SIRPA: variants seen among roughly 807,000 people sequenced by gnomAD.
The protein encoded by SIRPA is tyrosine-protein phosphatase non-receptor type substrate 1.
In SIRPA, 9 loss-of-function variants were observed where a neutral mutation model predicts 50.3. That is an observed-to-expected ratio of 0.18 (90% CI 0.11 to 0.31). The LOEUF (loss-of-function observed/expected upper bound fraction) is 0.31. Ranked by LOEUF, SIRPA falls within the 10% of genes least tolerant of loss-of-function variation. The pLI, the probability that SIRPA is intolerant of heterozygous loss-of-function variation, is 1.00. For missense variants in SIRPA, 474 were observed against 661.6 expected (o/e 0.72, Z 3.11); for synonymous variants, 265 against 284.1 (o/e 0.93, Z 0.68).
At chr20:1,914,695 C>T (rs72620872) in intron 1 of SIRPA, among the ~76,000 whole-genome samples, 61,425 of 151,370 alleles carry the variant, frequency 0.41, 12,713 homozygotes, top group East Asian at 0.66. Context: ...TGGGCCAGGC[C>T]AGAAACAGAA....
intron 1 of SIRPA, among the ~76,000 whole-genome samples, chr20:1,895,929 C>A (rs1250410387): frequency 6.6e-6 from 1 of 152,188 alleles, no homozygotes; most frequent in Non-Finnish European, 1.5e-5. Flanking sequence ...TGTTTGACTT[C>A]AGGGTGTGAG....
intron 1 of SIRPA, among the ~76,000 whole-genome samples, chr20:1,900,260 CT>C (rs1400602891): frequency 3.3e-5 from 5 of 152,078 alleles, no homozygotes; most frequent in African/African-American, 1.2e-4. Flanking sequence ...GCCACCATGC[CT>C]GGCTGATTTT....
chr20:1,901,237 C>G (rs1164115411), intron 1 of SIRPA, among the ~76,000 whole-genome samples: 1 of 145,388 alleles, frequency 6.9e-6, no homozygotes, highest in East Asian at 2.0e-4. Flanking sequence ...GTGGTGCGAC[C>G]TCGGCTCACT....
chr20:1,895,410 C>T lies in SIRPA; in HGVS notation c.-38C>T. The T allele has an allele frequency of 1.5e-6, 2 of 1,308,988 alleles. No individual in the cohort carries two copies. Among genetic ancestry groups the T allele is most frequent in the East Asian group, 3.1e-5 (1 of 32,048 alleles). 81.1% of individuals were successfully genotyped at this position (1,308,988 alleles called of 1,614,324 possible). Reference sequence around the variant, plus strand: ...GCCTGCTCCCGCCCGAGCGCGCACTCACGGCCGCTCTCCCTCCTCGCTCCG... The same window carrying T: ...GCCTGCTCCCGCCCGAGCGCGCACTTACGGCCGCTCTCCCTCCTCGCTCCG... On this transcript the variant is annotated 5_prime_UTR_variant, in exon 1 of 8. Coordinates refer to ENST00000358771, the MANE Select transcript of SIRPA (RefSeq NM_001040023.2).
At chr20:1,896,923 A>G (rs930189124) in intron 1 of SIRPA, among the ~76,000 whole-genome samples, 8 of 152,152 alleles carry the variant, frequency 5.3e-5, no homozygotes, top group Admixed American at 2.6e-4. Context: ...GTACCCTGCA[A>G]AAGTCCGAGT....
chr20:1,920,340 G>A (rs1315794882), intron 2 of SIRPA, among the ~76,000 whole-genome samples: 1 of 152,222 alleles, frequency 6.6e-6, no homozygotes, highest in African/African-American at 2.4e-5. Context: ...GTGTGAGGGA[G>A]AAGTTAATAT....
chr20:1,935,629 C>A (rs572300521), intron 7 of SIRPA, among the ~76,000 whole-genome samples: 3 of 152,330 alleles, frequency 2.0e-5, no homozygotes, highest in African/African-American at 7.2e-5. Flanking sequence ...GAGATCTTCT[C>A]CCCCATCATT....
intron 6 of SIRPA, among the ~76,000 whole-genome samples, chr20:1,929,424 G>C (rs982966920): frequency 6.6e-6 from 1 of 152,158 alleles, no homozygotes; most frequent in Non-Finnish European, 1.5e-5. Context: ...CCACCTCAAG[G>C]TTGGGGGCAG....
At chr20:1,929,897 G>A (rs1411558392) in intron 6 of SIRPA, among the ~76,000 whole-genome samples, 1 of 152,070 alleles carries the variant, frequency 6.6e-6, no homozygotes, top group African/African-American at 2.4e-5. Context: ...TGAGGCTCCT[G>A]GGCCCCTTGT....
intron 1 of SIRPA, among the ~76,000 whole-genome samples, chr20:1,896,047 C>A (rs1278602852): frequency 6.6e-6 from 1 of 152,204 alleles, no homozygotes; most frequent in African/African-American, 2.4e-5. Context: ...CAGAGTAAAC[C>A]GGTGTTAGTG....
At position 1,927,981 on chromosome 20, in the gene SIRPA, T is replaced by G; in HGVS notation, c.1226+82T>G. ...CCCCCAGACTACAAAGCATAATCCA[T>G]GTCCACTGACCTCACCAATGTGTTG... On this transcript the variant is annotated intron_variant, in intron 6 of 7. Coordinates refer to ENST00000358771, the MANE Select transcript of SIRPA (RefSeq NM_001040023.2). This position sits in a 1 kb window ranked among gnomAD's most constrained non-coding sequence, Gnocchi z 6.5. The G allele has an allele frequency of 8.4e-7, 1 of 1,189,356 alleles. No homozygotes were observed. The highest frequency in any genetic ancestry group is 1.3e-6 in the Non-Finnish European group (1 of 792,242). 73.7% of individuals were successfully genotyped at this position (1,189,356 alleles called of 1,614,324 possible).
In SIRPA at chr20:1,932,338, G is replaced by A. The variant is rs565239592; in HGVS notation, c.1227-2377G>A. On this transcript the variant is annotated intron_variant, in intron 6 of 7. Transcript: ENST00000358771. The surrounding 1 kb of genome is among the most constrained non-coding windows in gnomAD (Gnocchi z 6.0). ...CGAGCAGGGAGGGCTTGTCTGCAAGGTGACATTTAGAAGATCACTGAAGGA... is the reference window on the plus strand; with the variant it reads ...CGAGCAGGGAGGGCTTGTCTGCAAGATGACATTTAGAAGATCACTGAAGGA... Among the ~76,000 whole-genome samples the A allele has an allele frequency of 2.6e-4, 40 of 152,304 alleles. No individual in the cohort carries two copies. The South Asian group carries it at 5.4e-3, about 21-fold the overall frequency.
intron 1 of SIRPA, among the ~76,000 whole-genome samples, chr20:1,901,201 T>TG (rs1284475829): frequency 7.1e-6 from 1 of 141,028 alleles, no homozygotes; most frequent in Non-Finnish European, 1.5e-5. Context: ...GACGGAGTCT[T>TG]GCTCTGTCGC....
chr20:1,929,287 T>G (rs1168545670), intron 6 of SIRPA, among the ~76,000 whole-genome samples: 1 of 151,938 alleles, frequency 6.6e-6, no homozygotes, highest in Non-Finnish European at 1.5e-5. Context: ...GCGGTACTGG[T>G]CCAAGCAGAA....
rs1387212640 is a variant in SIRPA at position 1,898,540 on chromosome 20, C to A, written c.79+3014C>A. On this transcript the variant is annotated intron_variant, in intron 1 of 7. Coordinates refer to ENST00000358771, the MANE Select transcript of SIRPA (RefSeq NM_001040023.2). The surrounding 1 kb of genome is among the most constrained non-coding windows in gnomAD (Gnocchi z 4.3). The stretch of plus-strand genomic sequence containing the variant: ...CCGCAAGACATGGATTGGCTCTTCT[C>A]CCCATTCTGCAGATGCAGAAAATCG... 6.6e-6 allele frequency among the ~76,000 whole-genome samples: 1 copy of A among 152,138 alleles called. No individual in the cohort carries two copies. The highest frequency in any genetic ancestry group is 2.1e-4 in the South Asian group (1 of 4,832).
intron 5 of SIRPA, among the ~76,000 whole-genome samples, chr20:1,925,527 C>G (rs6105935): frequency 6.6e-6 from 1 of 152,174 alleles, no homozygotes; most frequent in East Asian, 1.9e-4. Flanking sequence ...ACCGCTTCCC[C>G]TTGTTTGTGT....
Position 1,933,401 on chromosome 20 carries a change from A to ACCCC in SIRPA, c.1227-1307_1227-1304dup, listed in dbSNP as rs11395264. Among the ~76,000 whole-genome samples, 77 of 139,668 alleles carry ACCCC rather than the reference A, an allele frequency of 5.5e-4. No individual in the cohort carries two copies. Among genetic ancestry groups the ACCCC allele is most frequent in the South Asian group, 1.9e-3 (8 of 4,184 alleles). 91.6% of individuals were successfully genotyped at this position (139,668 alleles called of 152,430 possible). A position where few individuals can be genotyped will look rare whatever the true frequency, so the allele number is the denominator to read the frequency against. On this transcript the variant is annotated intron_variant, in intron 6 of 7. Transcript: ENST00000358771. The surrounding 1 kb of genome is among the most constrained non-coding windows in gnomAD (Gnocchi z 4.4). ...CATGAAGTACATAACATCAAATGCC[A>ACCCC]CCCCCCCCCCGAAATATCTGGTGGG...
Position 1,936,504 on chromosome 20 carries a change from G to C in SIRPA, c.1267-816G>C, listed in dbSNP as rs2122204798. On this transcript the variant is annotated intron_variant, in intron 7 of 7. Transcript: ENST00000358771. This position sits in a 1 kb window ranked among gnomAD's most constrained non-coding sequence, Gnocchi z 4.2. Reference sequence around the variant, plus strand: ...CTCAAAATCCCTGAGCTAGAACCAGGATTCAAACCCAGGCTTTCTGACTCC... The same window carrying C: ...CTCAAAATCCCTGAGCTAGAACCAGCATTCAAACCCAGGCTTTCTGACTCC... Among the ~76,000 whole-genome samples the C allele has an allele frequency of 6.6e-6, 1 of 152,252 alleles. No homozygotes were observed. Among genetic ancestry groups the C allele is most frequent in the South Asian group, 2.1e-4 (1 of 4,820 alleles).
rs1986366546 is a variant in SIRPA at position 1,932,820 on chromosome 20, G to C, written c.1227-1895G>C. Among the ~76,000 whole-genome samples the C allele has an allele frequency of 6.6e-6, 1 of 152,156 alleles. No homozygotes were observed. The highest frequency in any genetic ancestry group is 2.1e-4 in the South Asian group (1 of 4,824). ...ATTAGATGAGAGCTGTAAAGGAAGA[G>C]AGAGAAGAATCAGGACTGACTCCCA... On this transcript the variant is annotated intron_variant, in intron 6 of 7. Coordinates refer to ENST00000358771, the MANE Select transcript of SIRPA (RefSeq NM_001040023.2). This position sits in a 1 kb window ranked among gnomAD's most constrained non-coding sequence, Gnocchi z 6.0.
Sources: allele counts gnomAD v4.1 joint callset (sites outside exome capture counted in the v4.1 genomes callset), GRCh38; gene constraint gnomAD v4.1.1; non-coding constraint Gnocchi (gnomAD v3.1); transcripts MANE v1.5; gene names NCBI Gene and HGNC (gene_info 2026-07-23, HGNC 2026-07-21).